The following IMMP2L variants were observed in gnomAD, a reference collection of about 807,000 sequenced individuals.
IMMP2L encodes inner mitochondrial membrane peptidase subunit 2.
In IMMP2L, 18 loss-of-function variants were observed where a neutral mutation model predicts 19.3. The ratio of observed to expected loss-of-function variants is 0.93; its 90% CI spans 0.64 to 1.38. The LOEUF (loss-of-function observed/expected upper bound fraction) is 1.38, where lower values mean the gene tolerates loss of function less well. Among genes scored for constraint, IMMP2L ranks in the 40% most tolerant of loss-of-function variants. IMMP2L has a pLI of 0.00. For missense variants in IMMP2L, 233 were observed against 218.2 expected (o/e 1.07, Z -0.43); for synonymous variants, 76 against 73.0 (o/e 1.04, Z -0.21).
intron 3 of IMMP2L, among the ~76,000 whole-genome samples, chr7:111,425,459 ACGCATGTTGAAAGTATT>A (rs1408545887): frequency 6.6e-6 from 1 of 151,192 alleles, no homozygotes; most frequent in Non-Finnish European, 1.5e-5. Flanking sequence ...AGTTAACAAT[ACGCATGTTGAAAGTATT>A]TAGGGGGAAG....
intron 1 of IMMP2L, among the ~76,000 whole-genome samples, chr7:111,551,311 T>C (rs1336116873): frequency 6.6e-6 from 1 of 152,114 alleles, no homozygotes; most frequent in Non-Finnish European, 1.5e-5. Context: ...TGAAAGAAAG[T>C]TGTACACTTT....
intron 3 of IMMP2L, among the ~76,000 whole-genome samples, chr7:111,404,875 T>C (rs1833784284): frequency 6.6e-6 from 1 of 152,090 alleles, no homozygotes; most frequent in African/African-American, 2.4e-5. Flanking sequence ...TCACTTCTGG[T>C]GTCTGAACTC....
At chr7:111,020,772 G>T (rs1273507055) in intron 3 of IMMP2L, among the ~76,000 whole-genome samples, 2 of 151,618 alleles carry the variant, frequency 1.3e-5, no homozygotes, top group Non-Finnish European at 2.9e-5. Flanking sequence ...AAAAGAAAAA[G>T]AAAAAGAAAA....
chr7:111,555,732 C>T (rs1791215405), intron 1 of IMMP2L, among the ~76,000 whole-genome samples: 1 of 151,796 alleles, frequency 6.6e-6, no homozygotes, highest in African/African-American at 2.4e-5. Context: ...GAATCTATTT[C>T]TTTTTTAAGG....
At chr7:111,447,441 C>T (rs1838607284) in intron 3 of IMMP2L, among the ~76,000 whole-genome samples, 1 of 150,412 alleles carries the variant, frequency 6.6e-6, no homozygotes, top group Non-Finnish European at 1.5e-5. Flanking sequence ...CTCAGAATTT[C>T]ATATCCAGCC....
chr7:110,697,732 A>T (rs1272870355), intron 5 of IMMP2L, among the ~76,000 whole-genome samples: 1 of 152,152 alleles, frequency 6.6e-6, no homozygotes, highest in Non-Finnish European at 1.5e-5. Context: ...AGTTCAAGGC[A>T]GCAGTTAGCT....
At chr7:110,666,612 G>A (rs1791475036) in intron 5 of IMMP2L, among the ~76,000 whole-genome samples, 1 of 151,904 alleles carries the variant, frequency 6.6e-6, no homozygotes, top group Non-Finnish European at 1.5e-5. Context: ...GGTGTGCTCA[G>A]TGCTCCTGGG....
intron 2 of IMMP2L, among the ~76,000 whole-genome samples, chr7:111,499,162 G>A (rs1843894044): frequency 6.6e-6 from 1 of 152,076 alleles, no homozygotes; most frequent in South Asian, 2.1e-4. Context: ...AAACTCCCTC[G>A]TGTAAGCATC....
intron 3 of IMMP2L, among the ~76,000 whole-genome samples, chr7:111,470,208 T>G (rs895289923): frequency 3.9e-5 from 6 of 152,040 alleles, no homozygotes; most frequent in African/African-American, 1.4e-4. Context: ...TGGCAATCAT[T>G]AAAAAGTCAG....
intron 5 of IMMP2L, among the ~76,000 whole-genome samples, chr7:110,744,045 C>T (rs901582465): frequency 3.9e-5 from 6 of 152,252 alleles, no homozygotes; most frequent in East Asian, 1.9e-4. Context: ...AGTCTGAGTT[C>T]GACCTGGGAC....
Position 111,236,980 on chromosome 7 carries a change from T to A in IMMP2L, c.239+250258A>T, listed in dbSNP as rs558243828. Among the ~76,000 whole-genome samples the A allele has an allele frequency of 9.9e-5, 15 of 152,234 alleles. No homozygotes were observed. The South Asian group carries it at 1.2e-3, about 13-fold the overall frequency. ...CTGTAACCCCATCTAGGCTGAAACA[T>A]TCTAATACAATTAAATGGCCATTCT... is the stretch of plus-strand genomic sequence containing the variant. On this transcript the variant is annotated intron_variant, in intron 3 of 5. Coordinates refer to ENST00000405709, the MANE Select transcript of IMMP2L (RefSeq NM_032549.4).
At chr7:111,139,847 C>T (rs1802702529) in intron 3 of IMMP2L, among the ~76,000 whole-genome samples, 1 of 152,096 alleles carries the variant, frequency 6.6e-6, no homozygotes. Context: ...AATTTCCCAG[C>T]AAAAGGAAAA....
intron 3 of IMMP2L, among the ~76,000 whole-genome samples, chr7:111,421,271 T>TTC (rs1554492232): frequency 1.7e-5 from 2 of 120,478 alleles, no homozygotes; most frequent in African/African-American, 6.7e-5. Context: ...TTTTTTCTTT[T>TTC]TTTTTTTTTT....
At chr7:110,786,438 C>CT (rs1800083047) in intron 5 of IMMP2L, among the ~76,000 whole-genome samples, 1 of 151,912 alleles carries the variant, frequency 6.6e-6, no homozygotes. Flanking sequence ...TAAGCTTGGG[C>CT]TACAGTTTTG....
intron 3 of IMMP2L, among the ~76,000 whole-genome samples, chr7:111,201,723 A>T (rs1038447625): frequency 6.6e-6 from 1 of 151,918 alleles, no homozygotes; most frequent in Non-Finnish European, 1.5e-5. Flanking sequence ...CTCAAAAAAA[A>T]AAAAAGGAAA....
chr7:111,057,376 G>A (rs190743976), intron 3 of IMMP2L, among the ~76,000 whole-genome samples: 48 of 151,398 alleles, frequency 3.2e-4, no homozygotes, highest in Non-Finnish European at 4.9e-4. Flanking sequence ...TAAAACAATA[G>A]TCTTTTTCTA....
At chr7:110,961,941 A>G (rs185319479) in intron 4 of IMMP2L, among the ~76,000 whole-genome samples, 2 of 152,066 alleles carry the variant, frequency 1.3e-5, no homozygotes, top group East Asian at 3.9e-4. Context: ...AATGGACAAG[A>G]GAGAACTTTT....
chr7:110,979,999 C>T (rs1821097620), intron 3 of IMMP2L, among the ~76,000 whole-genome samples: 1 of 152,122 alleles, frequency 6.6e-6, no homozygotes, highest in Non-Finnish European at 1.5e-5. Flanking sequence ...TGGATTCTAA[C>T]TAATCAAGTG....
intron 5 of IMMP2L, among the ~76,000 whole-genome samples, chr7:110,794,599 T>C (rs1800735324): frequency 6.6e-6 from 1 of 152,048 alleles, no homozygotes; most frequent in East Asian, 1.9e-4. Flanking sequence ...AAAAAACCAA[T>C]AAGACAAAAC....
Sources: gnomAD v4.1 joint callset for allele counts (sites outside exome capture counted in the v4.1 genomes callset) on GRCh38, gnomAD v4.1.1 for gene constraint, MANE v1.5 for transcripts, NCBI Gene and HGNC (gene_info 2026-07-23, HGNC 2026-07-21) for gene names.